EYS: variants seen among roughly 807,000 people sequenced by gnomAD.
EYS encodes the protein EGF-like photoreceptor maintenance factor, also known as protein eyes shut homolog.
A neutral mutation model predicts 282.1 loss-of-function variants in EYS; 250 were observed. The ratio of observed to expected loss-of-function variants is 0.89; its 90% CI spans 0.80 to 0.98. The LOEUF is 0.98. Among genes scored for constraint, EYS ranks in the 50% least tolerant of loss-of-function variants. EYS has a pLI of 0.00. For synonymous variants in EYS, 1,355 were observed against 1,282.9 expected (o/e 1.06, Z -1.20); for missense variants, 4,016 against 3,709.0 (o/e 1.08, Z -2.15).
chr6:65,326,067 A>C (rs1385712308), intron 11 of EYS, among the ~76,000 whole-genome samples: 1 of 152,124 alleles, frequency 6.6e-6, no homozygotes, highest in Non-Finnish European at 1.5e-5. Flanking sequence ...TACATTGGCT[A>C]TATTTAACAG....
chr6:64,009,441 G>T (rs189334673), intron 33 of EYS, among the ~76,000 whole-genome samples: 1 of 128,200 alleles, frequency 7.8e-6, no homozygotes, highest in Non-Finnish European at 1.7e-5. Flanking sequence ...CCACCACCAC[G>T]CAAGGCTAAT....
At position 64,455,110 on chromosome 6, in the gene EYS, CTA is replaced by C. The variant is rs1775510085; in HGVS notation, c.5645-15760_5645-15759del. The stretch of plus-strand genomic sequence containing the variant: ...GTGTGTGTGTGGAGACAGGATCTCG[CTA>C]TGTTACCCAGGCTGATGTTGAACTC... On this transcript the variant is annotated intron_variant, in intron 26 of 42. Transcript: ENST00000503581. Among the ~76,000 whole-genome samples the C allele has an allele frequency of 2.6e-5, 4 of 152,048 alleles. No individual in the cohort carries two copies. In the South Asian group the frequency reaches 8.3e-4, roughly 31 times the overall value.
chr6:65,421,760 T>G (rs1471616579), intron 5 of EYS, among the ~76,000 whole-genome samples: 2 of 151,858 alleles, frequency 1.3e-5, no homozygotes, highest in Non-Finnish European at 2.9e-5. Flanking sequence ...AATTTCAATA[T>G]TGTTGTGTTT....
chr6:65,688,313 AC>A lies in EYS; in HGVS notation c.-448+18821del, dbSNP rs553771095. On this transcript the variant is annotated intron_variant, in intron 1 of 42. Transcript: ENST00000503581. Reference sequence around the variant, plus strand: ...AACCATCTGATCTTTGACAAGGCTGACAAAAACAAGAAATGGGAAAAGGATT... The same window carrying A: ...AACCATCTGATCTTTGACAAGGCTGAAAAAACAAGAAATGGGAAAAGGATT... Among the ~76,000 whole-genome samples, 948 of 152,354 alleles carry A rather than the reference AC, an allele frequency of 6.2e-3. 13 individuals are homozygous for A. Among genetic ancestry groups the A allele is most frequent in the South Asian group, 0.04 (191 of 4,834 alleles).
intron 2 of EYS, among the ~76,000 whole-genome samples, chr6:65,529,589 T>C (rs757990570): frequency 9.2e-5 from 14 of 152,300 alleles, no homozygotes; most frequent in African/African-American, 3.1e-4. Flanking sequence ...CTTGTAAGCA[T>C]GAAACACATG....
chr6:63,765,041 G>T (rs1449087976), intron 40 of EYS, among the ~76,000 whole-genome samples: 1 of 150,512 alleles, frequency 6.6e-6, no homozygotes, highest in East Asian at 1.9e-4. Flanking sequence ...ATACTACTCT[G>T]CCCTGAGGAG....
intron 5 of EYS, among the ~76,000 whole-genome samples, chr6:65,416,392 C>G (rs774611089): frequency 6.6e-6 from 1 of 151,880 alleles, no homozygotes; most frequent in Middle Eastern, 3.4e-3. Context: ...ATTTTTATCT[C>G]AAAAAAGTCT....
chr6:64,542,054 A>G (rs1764707397), intron 26 of EYS, among the ~76,000 whole-genome samples: 1 of 152,122 alleles, frequency 6.6e-6, no homozygotes, highest in Non-Finnish European at 1.5e-5. Context: ...TTTGGACCTG[A>G]ACTCACAGTT....
intron 31 of EYS, among the ~76,000 whole-genome samples, chr6:64,193,980 T>C (rs1765200161): frequency 6.6e-6 from 1 of 152,230 alleles, no homozygotes; most frequent in African/African-American, 2.4e-5. Context: ...TGTGTCTTTA[T>C]AGCAGCATGA....
rs184116938 is a variant in EYS, at chr6:64,454,898, C to T, written c.5645-15546G>A. On this transcript the variant is annotated intron_variant, in intron 26 of 42. Transcript: ENST00000503581. The stretch of plus-strand genomic sequence containing the variant: ...TTCTATGACATTTTTAATGTAGTTT[C>T]GTAATTTATCTTCATAAAGAGCATG... Among the ~76,000 whole-genome samples the T allele has an allele frequency of 2.4e-4, 36 of 152,188 alleles. 1 individual carries two copies. In the East Asian group the frequency reaches 3.7e-3, roughly 15 times the overall value.
chr6:65,684,024 GT>G (rs1473330540), intron 1 of EYS, among the ~76,000 whole-genome samples: 1 of 151,972 alleles, frequency 6.6e-6, no homozygotes, highest in Non-Finnish European at 1.5e-5. Flanking sequence ...TTTGGTTTCT[GT>G]TTATTCTTTA....
chr6:65,141,779 A>T (rs62407221), intron 12 of EYS, among the ~76,000 whole-genome samples: 38,916 of 151,796 alleles, frequency 0.26, 5,327 homozygotes, highest in African/African-American at 0.35. Flanking sequence ...GGCAAGAGTG[A>T]AGTGGCACAA....
At chr6:65,306,644 T>A (rs1769012229) in intron 11 of EYS, among the ~76,000 whole-genome samples, 1 of 149,554 alleles carries the variant, frequency 6.7e-6, no homozygotes, top group South Asian at 2.1e-4. Context: ...GTGTTTTAAA[T>A]AAAACTGATG....
chr6:64,925,170 G>T (rs1768475815), intron 15 of EYS, among the ~76,000 whole-genome samples: 1 of 152,176 alleles, frequency 6.6e-6, no homozygotes, highest in African/African-American at 2.4e-5. Flanking sequence ...ACATGGTAGT[G>T]GCAAGAGAAT....
chr6:64,160,683 T>C (rs892355798), intron 31 of EYS, among the ~76,000 whole-genome samples: 1 of 152,232 alleles, frequency 6.6e-6, no homozygotes, highest in African/African-American at 2.4e-5. Flanking sequence ...TGCATCTTTG[T>C]CTTTTTGGCC....
intron 41 of EYS, among the ~76,000 whole-genome samples, chr6:63,740,162 G>C (rs188964378): frequency 1.3e-5 from 2 of 152,248 alleles, no homozygotes; most frequent in Admixed American, 1.3e-4. Context: ...ATATGGTTTG[G>C]CTGTGTCCCC....
intron 40 of EYS, among the ~76,000 whole-genome samples, chr6:63,766,520 A>T (rs1174168185): frequency 6.6e-6 from 1 of 152,060 alleles, no homozygotes; most frequent in East Asian, 1.9e-4. Flanking sequence ...TGCTGTGGGG[A>T]TGCAGAGGTT....
intron 37 of EYS, among the ~76,000 whole-genome samples, chr6:63,792,184 G>A (rs532808707): frequency 2.0e-5 from 3 of 151,690 alleles, no homozygotes; most frequent in African/African-American, 4.8e-5. Flanking sequence ...GCAAAGGACT[G>A]GGGATGCACC....
intron 31 of EYS, among the ~76,000 whole-genome samples, chr6:64,103,358 G>C (rs575938878): frequency 2.0e-5 from 3 of 152,310 alleles, no homozygotes; most frequent in South Asian, 2.1e-4. Context: ...CAACGTGTGA[G>C]GGAGGATCGG....
Sources: allele counts gnomAD v4.1 joint callset (sites outside exome capture counted in the v4.1 genomes callset), GRCh38; gene constraint gnomAD v4.1.1; transcripts MANE v1.5; gene names NCBI Gene and HGNC (gene_info 2026-07-23, HGNC 2026-07-21).